KIZ: variants seen among roughly 807,000 people sequenced by gnomAD.
The protein encoded by KIZ is kizuna centrosomal protein.
A neutral mutation model predicts 79.6 loss-of-function variants in KIZ; 68 were observed. That is an observed-to-expected ratio of 0.85 (90% CI 0.70 to 1.05). The LOEUF (loss-of-function observed/expected upper bound fraction) is 1.05, where lower values mean the gene tolerates loss of function less well. Among genes scored for constraint, KIZ ranks in the 50% least tolerant of loss-of-function variants. KIZ has a pLI of 0.00. For synonymous variants in KIZ, 280 were observed against 281.8 expected, an observed-to-expected ratio of 0.99 and a Z score of 0.06; for missense variants, 797 against 800.4, an observed-to-expected ratio of 1.00 and a Z score of 0.05.
At chr20:21,190,097 C>T (rs578222988) in intron 6 of KIZ, among the ~76,000 whole-genome samples, 1 of 152,310 alleles carries the variant, frequency 6.6e-6, no homozygotes, top group African/African-American at 2.4e-5. Flanking sequence ...TACAGCTGTT[C>T]CAGCCATCGG....
At chr20:21,216,752 G>A (rs1332563423) in intron 9 of KIZ, among the ~76,000 whole-genome samples, 1 of 151,986 alleles carries the variant, frequency 6.6e-6, no homozygotes, top group Non-Finnish European at 1.5e-5. Flanking sequence ...ATTTACTTTT[G>A]GATGCAGAAG....
At chr20:21,208,452 C>T (rs2035930361) in intron 7 of KIZ, among the ~76,000 whole-genome samples, 1 of 152,094 alleles carries the variant, frequency 6.6e-6, no homozygotes, top group Non-Finnish European at 1.5e-5. Context: ...GCCTGTAATC[C>T]CAGCACTTTG....
intron 6 of KIZ, among the ~76,000 whole-genome samples, chr20:21,185,610 A>G (rs1400708279): frequency 6.6e-6 from 1 of 151,024 alleles, no homozygotes; most frequent in Non-Finnish European, 1.5e-5. Context: ...GGGTTTTACC[A>G]TTGTTGCCCA....
At chr20:21,233,099 G>A (rs1381945462) in intron 11 of KIZ, among the ~76,000 whole-genome samples, 1 of 152,202 alleles carries the variant, frequency 6.6e-6, no homozygotes, top group Non-Finnish European at 1.5e-5. Context: ...ACAGCTGCTC[G>A]CAGTAGGACT....
chr20:21,234,363 C>CA (rs1388140117), intron 11 of KIZ, among the ~76,000 whole-genome samples: 5 of 149,702 alleles, frequency 3.3e-5, no homozygotes, highest in East Asian at 3.9e-4. Context: ...AAAAAAAAAA[C>CA]CACACAAAAA....
chr20:21,199,812 C>T (rs1017906547), intron 6 of KIZ, among the ~76,000 whole-genome samples: 3 of 152,110 alleles, frequency 2.0e-5, no homozygotes, highest in Non-Finnish European at 4.4e-5. Context: ...ACTCTGGTGT[C>T]ATAGAATTAT....
chr20:21,216,141 A>G (rs2036282418), intron 9 of KIZ, among the ~76,000 whole-genome samples: 1 of 152,238 alleles, frequency 6.6e-6, no homozygotes, highest in African/African-American at 2.4e-5. Context: ...ATCAAGACCT[A>G]TTAAGATTTC....
At chr20:21,144,897 T>C (rs1027091920) in intron 3 of KIZ, among the ~76,000 whole-genome samples, 3 of 152,190 alleles carry the variant, frequency 2.0e-5, no homozygotes, top group African/African-American at 7.2e-5. Flanking sequence ...ATCAAAGTGC[T>C]TTTTTATGCC....
intron 3 of KIZ, among the ~76,000 whole-genome samples, chr20:21,141,531 A>G (rs1251712673): frequency 1.3e-5 from 2 of 151,672 alleles, no homozygotes; most frequent in African/African-American, 2.4e-5. Flanking sequence ...ACGGAGCCCC[A>G]GATTCCAGAA....
intron 10 of KIZ, among the ~76,000 whole-genome samples, chr20:21,232,276 C>T (rs1468949351): frequency 6.6e-6 from 1 of 152,158 alleles, no homozygotes; most frequent in African/African-American, 2.4e-5. Flanking sequence ...AGTGGAGATT[C>T]TTTCTCCTCT....
At chr20:21,185,342 C>G (rs888357627) in intron 6 of KIZ, among the ~76,000 whole-genome samples, 2 of 148,762 alleles carry the variant, frequency 1.3e-5, no homozygotes, top group African/African-American at 5.0e-5. Flanking sequence ...GAAAACAGTA[C>G]TAGTTTCAAA....
intron 4 of KIZ, among the ~76,000 whole-genome samples, chr20:21,160,347 A>G (rs1002586213): frequency 3.9e-5 from 6 of 151,968 alleles, no homozygotes; most frequent in Non-Finnish European, 7.4e-5. Context: ...CTTTAAACTC[A>G]CCAGTTAAAA....
rs545538554 is a variant in KIZ at position 21,197,442 on chromosome 20, CAATTT to C, written c.1353-8046_1353-8042del. 4 of 152,304 alleles carry C rather than the reference CAATTT, an allele frequency of 2.6e-5. No individual in the cohort carries two copies. The East Asian group carries it at 7.7e-4, about 29-fold the overall frequency. The allele number at this position is 152,304 out of a possible 1,614,324, so 9.4% of individuals were successfully genotyped here. A position where few individuals can be genotyped will look rare whatever the true frequency, so the allele number is the denominator to read the frequency against. ...GAAGTTTTCAATTTCTTAGCAGTGA[CAATTT>C]AAGTAAATTTCATACGAGTTGTGGG... On this transcript the variant is annotated intron_variant, in intron 6 of 12. Coordinates refer to ENST00000619189, the MANE Select transcript of KIZ (RefSeq NM_018474.6).
chr20:21,229,254 CTTT>C (rs1390905949), intron 10 of KIZ, 139 bp downstream of exon 10: 3 of 583,998 alleles, frequency 5.1e-6, no homozygotes, highest in Admixed American at 3.0e-5. Flanking sequence ...TGAGCTAGTA[CTTT>C]TTTATCCTTA....
chr20:21,182,546 A>T (rs766911755), intron 6 of KIZ, among the ~76,000 whole-genome samples: 1 of 152,196 alleles, frequency 6.6e-6, no homozygotes, highest in Non-Finnish European at 1.5e-5. Flanking sequence ...CTGTAATCCT[A>T]GCACTTTGGG....
chr20:21,172,691 A>C lies in KIZ; in HGVS notation c.1352+9532A>C, dbSNP rs79363069. Among the ~76,000 whole-genome samples the C allele has an allele frequency of 7.6e-3, 1,155 of 152,266 alleles. 20 individuals are homozygous for C. The highest frequency in any genetic ancestry group is 0.027 in the African/African-American group (1,110 of 41,560). On this transcript the variant is annotated intron_variant, in intron 6 of 12. Coordinates refer to ENST00000619189, the MANE Select transcript of KIZ (RefSeq NM_018474.6). The stretch of plus-strand genomic sequence containing the variant: ...AATACAAGATATAAGATAGTGGGGA[A>C]AGGTCTCTATGGTAAGATGGTAGTT...
At chr20:21,172,317 A>G (rs915745805) in intron 6 of KIZ, among the ~76,000 whole-genome samples, 1 of 152,160 alleles carries the variant, frequency 6.6e-6, no homozygotes, top group African/African-American at 2.4e-5. Context: ...AAGTATTATG[A>G]CAAAGGGCCA....
intron 11 of KIZ, among the ~76,000 whole-genome samples, chr20:21,242,916 G>A (rs567359912): frequency 2.6e-5 from 4 of 152,072 alleles, no homozygotes; most frequent in South Asian, 2.1e-4. Context: ...TATGGACCGC[G>A]GCTGGCAAAT....
chr20:21,143,182 A>G (rs915275179), intron 3 of KIZ, among the ~76,000 whole-genome samples: 1 of 152,172 alleles, frequency 6.6e-6, no homozygotes, highest in African/African-American at 2.4e-5. Flanking sequence ...TGAGGATCAA[A>G]TCAGCCCATT....
Sources: gnomAD v4.1 joint callset for allele counts (sites outside exome capture counted in the v4.1 genomes callset) on GRCh38, gnomAD v4.1.1 for gene constraint, MANE v1.5 for transcripts, NCBI Gene and HGNC (gene_info 2026-07-23, HGNC 2026-07-21) for gene names.